TTLL11: variants seen among roughly 807,000 people sequenced by gnomAD.
The protein encoded by TTLL11 is tubulin polyglutamylase TTLL11.
Under a neutral mutation model 51.7 loss-of-function variants are expected in TTLL11, and 42 were observed. The observed-to-expected ratio is 0.81, with a 90% confidence interval of 0.64 to 1.05. The LOEUF is 1.05. TTLL11 is among the 50% of genes least tolerant of loss of function. The pLI is 0.00. For synonymous variants in TTLL11, 381 were observed against 383.5 expected (o/e 0.99, Z 0.08); for missense variants, 799 against 940.4 (o/e 0.85, Z 1.97).
chr9:122,063,377 C>T (rs998679624), intron 1 of TTLL11, among the ~76,000 whole-genome samples: 2 of 152,056 alleles, frequency 1.3e-5, no homozygotes, highest in Admixed American at 1.3e-4. Flanking sequence ...GAAAATACTT[C>T]AAACATGAAC....
intron 6 of TTLL11, among the ~76,000 whole-genome samples, chr9:121,877,983 A>G (rs1838632206): frequency 6.6e-6 from 1 of 152,192 alleles, no homozygotes; most frequent in Non-Finnish European, 1.5e-5. Context: ...CGAATTAGGT[A>G]TTACAAATGG....
At chr9:122,011,841 A>T (rs943446967) in intron 3 of TTLL11, among the ~76,000 whole-genome samples, 1 of 152,214 alleles carries the variant, frequency 6.6e-6, no homozygotes, top group Non-Finnish European at 1.5e-5. Flanking sequence ...CACAGAGAAG[A>T]ACTGTTATCG....
chr9:121,922,903 T>C (rs1840594333), intron 6 of TTLL11, among the ~76,000 whole-genome samples: 1 of 152,164 alleles, frequency 6.6e-6, no homozygotes, highest in South Asian at 2.1e-4. Context: ...CAAACAGTTA[T>C]ATGGAAACAC....
At chr9:121,851,235 A>G (rs1837656960) in intron 8 of TTLL11, among the ~76,000 whole-genome samples, 2 of 152,216 alleles carry the variant, frequency 1.3e-5, no homozygotes, top group South Asian at 2.1e-4. Context: ...ACTATTCTGT[A>G]TTACACTGTA....
chr9:121,868,198 G>A (rs574233199), intron 7 of TTLL11, among the ~76,000 whole-genome samples: 41 of 152,118 alleles, frequency 2.7e-4, no homozygotes, highest in African/African-American at 8.9e-4. Context: ...ATAATTCTCC[G>A]GGGCCCCAAA....
At chr9:121,878,018 G>A (rs185533433) in intron 6 of TTLL11, among the ~76,000 whole-genome samples, 2 of 152,322 alleles carry the variant, frequency 1.3e-5, no homozygotes, top group East Asian at 3.9e-4. Flanking sequence ...TGAGAAAAGT[G>A]AGCTTCAGAG....
At chr9:121,832,318 C>G (rs1837043316) in intron 8 of TTLL11, among the ~76,000 whole-genome samples, 1 of 152,192 alleles carries the variant, frequency 6.6e-6, no homozygotes, top group Non-Finnish European at 1.5e-5. Flanking sequence ...CAATCCTACA[C>G]TTCTTCCCTG....
chr9:121,981,318 TC>T (rs1156317902), intron 4 of TTLL11, among the ~76,000 whole-genome samples: 1 of 152,160 alleles, frequency 6.6e-6, no homozygotes, highest in Non-Finnish European at 1.5e-5. Context: ...GATGATTTCT[TC>T]TTCAGTGTCT....
Position 121,965,069 on chromosome 9 carries a change from C to A in TTLL11, c.1481+8940G>T, listed in dbSNP as rs115873204. 3.5e-3 allele frequency among the ~76,000 whole-genome samples: 540 copies of A among 152,298 alleles called. 4 individuals are homozygous for A. Among genetic ancestry groups the A allele is most frequent in the African/African-American group, 0.012 (512 of 41,556 alleles). On this transcript the variant is annotated intron_variant, in intron 6 of 8. Coordinates refer to ENST00000321582, the MANE Select transcript of TTLL11 (RefSeq NM_001139442.2). ...TAAATATCTGTTTCTCTAATCCACA[C>A]ATGGTACAAATGAAATTCAAATAAG...
At chr9:121,919,661 C>T (rs749512794) in intron 6 of TTLL11, among the ~76,000 whole-genome samples, 2 of 151,978 alleles carry the variant, frequency 1.3e-5, no homozygotes, top group African/African-American at 2.4e-5. Context: ...GCAAGTGGGG[C>T]CCAAGAGAAA....
At chr9:122,092,621 C>T in intron 1 of TTLL11, 66 bp downstream of exon 1, 1 of 1,530,164 alleles carries the variant, frequency 6.5e-7, no homozygotes, top group South Asian at 1.2e-5. Context: ...TGGGCCGTGC[C>T]GAGACCTCTG....
chr9:121,836,947 C>T (rs374453885), intron 8 of TTLL11, among the ~76,000 whole-genome samples: 10 of 152,168 alleles, frequency 6.6e-5, no homozygotes, highest in South Asian at 2.1e-4. Flanking sequence ...CTGGCATATA[C>T]GCATAAAAAT....
In TTLL11 at chr9:121,870,579, T is replaced by G. The variant is rs1304331999; in HGVS notation, c.1651A>C (p.Arg551=). The G allele has an allele frequency of 1.9e-6, 3 of 1,551,650 alleles. No individual in the cohort carries two copies. In the African/African-American group the frequency reaches 4.1e-5, roughly 21 times the overall value. The change falls in exon 7 of 9, where the codon AGG becomes CGG. Residue 551 remains arginine, a synonymous_variant. Transcript: ENST00000321582. ...AACCGGATAAACAAATTTGCCATCC[T>G]GTCCACCAGGCGCAGGTAGTTGAAC... ...KQFNYLRLVD[R]MANLFIRFLG... is the part of the protein sequence containing the mutation.
chr9:121,955,764 C>A (rs1288405212), intron 6 of TTLL11, among the ~76,000 whole-genome samples: 2 of 152,162 alleles, frequency 1.3e-5, no homozygotes, highest in Non-Finnish European at 2.9e-5. Context: ...CTAAATGGTG[C>A]AAAGATGACC....
At chr9:121,979,678 C>G (rs993396396) in intron 4 of TTLL11, among the ~76,000 whole-genome samples, 8 of 152,130 alleles carry the variant, frequency 5.3e-5, no homozygotes, top group African/African-American at 1.9e-4. Flanking sequence ...ACTTGCTCCT[C>G]TAATTCATCT....
intron 8 of TTLL11, among the ~76,000 whole-genome samples, chr9:121,857,112 C>A (rs1292684957): frequency 6.6e-6 from 1 of 152,212 alleles, no homozygotes; most frequent in Non-Finnish European, 1.5e-5. Flanking sequence ...CCCAGGCCCA[C>A]TTCCTAGACC....
chr9:121,829,539 A>C (rs2119119864), intron 8 of TTLL11, among the ~76,000 whole-genome samples: 1 of 152,216 alleles, frequency 6.6e-6, no homozygotes, highest in Admixed American at 6.5e-5. Context: ...AAAAACAAAA[A>C]ATAAATGTGT....
intron 6 of TTLL11, among the ~76,000 whole-genome samples, chr9:121,967,695 T>C (rs1440258120): frequency 6.6e-6 from 1 of 152,182 alleles, no homozygotes; most frequent in African/African-American, 2.4e-5. Context: ...ACATATGAAA[T>C]AGATCCTTGT....
chr9:121,916,174 C>T (rs932109347), intron 6 of TTLL11, among the ~76,000 whole-genome samples: 3 of 152,108 alleles, frequency 2.0e-5, no homozygotes, highest in South Asian at 2.1e-4. Flanking sequence ...CAATGATGTC[C>T]GGATCTGTAT....
Sources: allele counts gnomAD v4.1 joint callset (sites outside exome capture counted in the v4.1 genomes callset), GRCh38; gene constraint gnomAD v4.1.1; transcripts MANE v1.5; gene names NCBI Gene and HGNC (gene_info 2026-07-23, HGNC 2026-07-21).